The following NEK10 variants were observed in gnomAD, a reference collection of about 807,000 sequenced individuals.
The protein encoded by NEK10 is serine/threonine-protein kinase Nek10.
A neutral mutation model predicts 159.8 loss-of-function variants in NEK10; 122 were observed. The ratio of observed to expected loss-of-function variants is 0.76; its 90% CI spans 0.66 to 0.89. The LOEUF is 0.89. Among genes scored for constraint, NEK10 ranks in the 40% least tolerant of loss-of-function variants. The pLI, the probability that NEK10 is intolerant of heterozygous loss-of-function variation, is 0.00. For missense variants in NEK10, 1,342 were observed against 1,323.1 expected (o/e 1.01, Z -0.22); for synonymous variants, 466 against 457.1 (o/e 1.02, Z -0.25).
chr3:27,123,189 C>T (rs1284256321), intron 32 of NEK10, among the ~76,000 whole-genome samples: 1 of 152,006 alleles, frequency 6.6e-6, no homozygotes, highest in Non-Finnish European at 1.5e-5. Context: ...ACTAGGACAA[C>T]AGGATAATAA....
intron 23 of NEK10, among the ~76,000 whole-genome samples, chr3:27,231,544 A>T (rs542124459): frequency 6.6e-6 from 1 of 152,030 alleles, no homozygotes; most frequent in Non-Finnish European, 1.5e-5. Flanking sequence ...CAAAAGATAA[A>T]TGAAACAAAA....
rs572727743 is a variant in NEK10, at chr3:27,297,044, C to T, written c.1230+135G>A. 5.7e-5 allele frequency: 31 copies of T among 540,140 alleles called. 1 individual carries two copies. The highest frequency in any genetic ancestry group is 3.0e-4 in the Middle Eastern group (1 of 3,290). 33.5% of individuals were successfully genotyped at this position (540,140 alleles called of 1,614,324 possible). On this transcript the variant is annotated intron_variant, in intron 14 of 35. Transcript: ENST00000691995. ...ATAAAGTGGAACTTTATTAGTTAAA[C>T]GAGAAATGTTAAAATAGTTTTAAAA...
At chr3:27,145,889 A>G (rs529289044) in intron 30 of NEK10, among the ~76,000 whole-genome samples, 1 of 152,134 alleles carries the variant, frequency 6.6e-6, no homozygotes, top group East Asian at 1.9e-4. Flanking sequence ...AGGCCTCATG[A>G]ATGGAATCAG....
chr3:27,202,580 A>T, intron 23 of NEK10, 23 bp from the exon 24 acceptor site: 1 of 1,574,152 alleles, frequency 6.4e-7, no homozygotes, highest in Non-Finnish European at 8.7e-7. Flanking sequence ...AAGGACATTA[A>T]TACATGCTAA....
chr3:27,226,416 A>G (rs1162979933), intron 23 of NEK10, among the ~76,000 whole-genome samples: 3 of 152,152 alleles, frequency 2.0e-5, no homozygotes, highest in African/African-American at 7.2e-5. Flanking sequence ...TAATCTACTT[A>G]TTGAGGGAAT....
At chr3:27,175,713 G>A (rs370835748) in intron 26 of NEK10, among the ~76,000 whole-genome samples, 73 of 152,236 alleles carry the variant, frequency 4.8e-4, no homozygotes, top group Middle Eastern at 6.8e-3. Context: ...TAGGCCGTGG[G>A]GCTAAACAGT....
intron 19 of NEK10, among the ~76,000 whole-genome samples, chr3:27,289,775 G>A (rs2042871584): frequency 6.6e-6 from 1 of 152,182 alleles, no homozygotes; most frequent in Non-Finnish European, 1.5e-5. Flanking sequence ...ACTTTTTAAA[G>A]TCTAGTCTAT....
intron 29 of NEK10, among the ~76,000 whole-genome samples, chr3:27,170,882 G>C (rs1192300601): frequency 6.6e-6 from 1 of 152,184 alleles, no homozygotes; most frequent in Non-Finnish European, 1.5e-5. Context: ...CTCTGGCTCT[G>C]GTCTATGATG....
intron 26 of NEK10, among the ~76,000 whole-genome samples, chr3:27,190,060 T>C (rs1948977219): frequency 6.6e-6 from 1 of 152,156 alleles, no homozygotes; most frequent in East Asian, 1.9e-4. Context: ...GCTATGCTCA[T>C]TTATATGACT....
chr3:27,259,759 A>G lies in NEK10; in HGVS notation c.2015-3388T>C, dbSNP rs919313336. On this transcript the variant is annotated intron_variant, in intron 22 of 35. Coordinates refer to ENST00000691995, the MANE Select transcript of NEK10 (RefSeq NM_001394966.1). ...AGTTTTTTCCAATTGTGTGAAGAAA[A>G]TCATTGGTAGCTTGATGGGGATGGC... 1.1e-4 allele frequency among the ~76,000 whole-genome samples: 17 copies of G among 152,222 alleles called. No homozygotes were observed. The East Asian group carries it at 2.3e-3, about 21-fold the overall frequency.
At chr3:27,312,072 T>A (rs750350825) in intron 8 of NEK10, 27 bp downstream of exon 8, 1 of 1,498,454 alleles carries the variant, frequency 6.7e-7, no homozygotes, top group South Asian at 1.1e-5. Context: ...TCCACAAAAA[T>A]GGCTGTGTCC....
chr3:27,147,918 G>A (rs547545800), intron 30 of NEK10, among the ~76,000 whole-genome samples: 5 of 152,230 alleles, frequency 3.3e-5, no homozygotes, highest in Admixed American at 1.3e-4. Flanking sequence ...CAGCATTTTT[G>A]TCTTCCACCT....
intron 19 of NEK10, among the ~76,000 whole-genome samples, chr3:27,289,824 T>C (rs2042874640): frequency 6.6e-6 from 1 of 152,204 alleles, no homozygotes; most frequent in African/African-American, 2.4e-5. Context: ...CAATTAATGA[T>C]AATATTTACT....
At chr3:27,267,217 G>A (rs2040968171) in intron 22 of NEK10, among the ~76,000 whole-genome samples, 1 of 152,194 alleles carries the variant, frequency 6.6e-6, no homozygotes, top group African/African-American at 2.4e-5. Flanking sequence ...TCTGCCATCT[G>A]TGGGCTATAG....
At position 27,273,100 on chromosome 3, in the gene NEK10, A is replaced by C. The variant is rs182582279; in HGVS notation, c.2014+11502T>G. Among the ~76,000 whole-genome samples, 226 of 152,312 alleles carry C rather than the reference A, an allele frequency of 1.5e-3. 1 individual carries two copies. The highest frequency in any genetic ancestry group is 2.7e-3 in the Admixed American group (41 of 15,294). ...AAGTGAAGAAGAGACTTCCAGGCAG[A>C]GGAAATGGCATGCTCAAAGGCCCTA... On this transcript the variant is annotated intron_variant, in intron 22 of 35. Coordinates refer to ENST00000691995, the MANE Select transcript of NEK10 (RefSeq NM_001394966.1).
intron 23 of NEK10, among the ~76,000 whole-genome samples, chr3:27,207,982 T>C (rs1315340304): frequency 2.0e-5 from 3 of 152,162 alleles, no homozygotes; most frequent in African/African-American, 7.2e-5. Flanking sequence ...TTGTACAGCA[T>C]GTAGCAATAT....
intron 29 of NEK10, among the ~76,000 whole-genome samples, chr3:27,166,713 A>G (rs1946518276): frequency 1.3e-5 from 2 of 152,090 alleles, no homozygotes; most frequent in African/African-American, 2.4e-5. Context: ...CAATCCTACC[A>G]CTTTGGGAGG....
At chr3:27,277,508 C>T (rs2041856249) in intron 22 of NEK10, among the ~76,000 whole-genome samples, 1 of 152,120 alleles carries the variant, frequency 6.6e-6, no homozygotes, top group Admixed American at 6.5e-5. Context: ...GAGGATAAGT[C>T]TTTGACCAAG....
intron 11 of NEK10, 45 bp from the exon 12 acceptor site, chr3:27,305,016 G>C (rs947130210): frequency 8.6e-7 from 1 of 1,156,514 alleles, no homozygotes; most frequent in Non-Finnish European, 1.3e-6. Context: ...AGCATCATGA[G>C]TTGATTACTT....
Sources: allele counts gnomAD v4.1 joint callset (sites outside exome capture counted in the v4.1 genomes callset), GRCh38; gene constraint gnomAD v4.1.1; transcripts MANE v1.5; gene names NCBI Gene and HGNC (gene_info 2026-07-23, HGNC 2026-07-21).